The following SRBD1 variants were observed in gnomAD, a reference collection of about 807,000 sequenced individuals.
SRBD1 encodes the protein S1 RNA-binding domain-containing protein 1.
Under a neutral mutation model 115.3 loss-of-function variants are expected in SRBD1, and 88 were observed. The ratio of observed to expected loss-of-function variants is 0.76; its 90% CI spans 0.64 to 0.91. The LOEUF is 0.91. Among genes scored for constraint, SRBD1 ranks in the 40% least tolerant of loss-of-function variants. The pLI, the probability that SRBD1 is intolerant of heterozygous loss-of-function variation, is 0.00. For synonymous variants in SRBD1, 509 were observed against 407.7 expected (o/e 1.25, Z -2.99); for missense variants, 1,385 against 1,177.4 (o/e 1.18, Z -2.58).
intron 16 of SRBD1, among the ~76,000 whole-genome samples, chr2:45,467,221 A>G (rs147683505): frequency 1.4e-3 from 213 of 152,330 alleles, no homozygotes; most frequent in African/African-American, 5.1e-3. Context: ...CCCTGGTTGT[A>G]CATTTGAATT....
intron 14 of SRBD1, among the ~76,000 whole-genome samples, chr2:45,512,883 T>C (rs1671010642): frequency 6.6e-6 from 1 of 151,964 alleles, no homozygotes; most frequent in Non-Finnish European, 1.5e-5. Flanking sequence ...CAAATTCTGT[T>C]AGAGAAAAAA....
At chr2:45,586,722 T>C (rs1324361170) in intron 4 of SRBD1, among the ~76,000 whole-genome samples, 1 of 151,496 alleles carries the variant, frequency 6.6e-6, no homozygotes, top group Admixed American at 6.6e-5. Flanking sequence ...TTTTTTTTTT[T>C]TATTAGTGGA....
At chr2:45,593,829 C>A (rs1370031447) in intron 4 of SRBD1, among the ~76,000 whole-genome samples, 1 of 151,986 alleles carries the variant, frequency 6.6e-6, no homozygotes, top group African/African-American at 2.4e-5. Context: ...TTACAGATTG[C>A]AAAAGGAAAA....
chr2:45,411,874 G>A (rs1283674626), intron 19 of SRBD1, among the ~76,000 whole-genome samples: 1 of 152,142 alleles, frequency 6.6e-6, no homozygotes, highest in Non-Finnish European at 1.5e-5. Context: ...TCTTTGGGAG[G>A]CCAAGGTGGG....
At chr2:45,455,541 T>A (rs1026559490) in intron 16 of SRBD1, among the ~76,000 whole-genome samples, 28 of 151,908 alleles carry the variant, frequency 1.8e-4, no homozygotes, top group African/African-American at 6.7e-4. Flanking sequence ...TTTTGTCTGA[T>A]GATGATAAAG....
intron 13 of SRBD1, among the ~76,000 whole-genome samples, chr2:45,547,284 C>A (rs1672150834): frequency 6.6e-6 from 1 of 152,174 alleles, no homozygotes; most frequent in African/African-American, 2.4e-5. Context: ...GAAGAATGAA[C>A]TGCTCACATC....
chr2:45,445,724 C>T (rs767498583), intron 16 of SRBD1, among the ~76,000 whole-genome samples: 6 of 152,034 alleles, frequency 3.9e-5, no homozygotes, highest in Non-Finnish European at 5.9e-5. Context: ...ATAGCTATTA[C>T]TAAGAGTCAT....
At chr2:45,400,579 T>C (rs995814887) in intron 19 of SRBD1, among the ~76,000 whole-genome samples, 9 of 151,988 alleles carry the variant, frequency 5.9e-5, no homozygotes, top group African/African-American at 1.9e-4. Context: ...AAAAAACAAC[T>C]TTTTTTCTTG....
chr2:45,508,897 T>C (rs1449304397), intron 14 of SRBD1, among the ~76,000 whole-genome samples: 1 of 152,098 alleles, frequency 6.6e-6, no homozygotes, highest in African/African-American at 2.4e-5. Context: ...CTTAGACAAT[T>C]TTCCCTATGT....
chr2:45,523,224 A>G (rs1671340293), intron 14 of SRBD1, among the ~76,000 whole-genome samples: 1 of 151,782 alleles, frequency 6.6e-6, no homozygotes, highest in Non-Finnish European at 1.5e-5. Context: ...CCATATTAAA[A>G]AAAGAAGAAA....
chr2:45,556,003 T>C (rs1259412109), intron 10 of SRBD1, among the ~76,000 whole-genome samples: 1 of 152,208 alleles, frequency 6.6e-6, no homozygotes, highest in Non-Finnish European at 1.5e-5. Flanking sequence ...CCTTTACTTA[T>C]CTTAGGCTAG....
intron 12 of SRBD1, 104 bp downstream of exon 12, chr2:45,551,021 A>T: frequency 7.3e-7 from 1 of 1,375,050 alleles, no homozygotes; most frequent in Non-Finnish European, 9.6e-7. Flanking sequence ...ACCACTTTTT[A>T]AGCCTTTAAA....
rs1672156278 is a variant in SRBD1 at position 45,547,476 on chromosome 2, GT to G, written c.1766+45del. ...ATTAGGGGCTTCAAAGGTATCTCTG[GT>G]TGACTGAGCCACTGATATATTCAAA... On this transcript the variant is annotated intron_variant, in intron 13 of 20. Coordinates refer to ENST00000263736, the MANE Select transcript of SRBD1 (RefSeq NM_018079.5). The G allele has an allele frequency of 5.2e-6, 8 of 1,545,788 alleles. No individual in the cohort carries two copies. In the Admixed American group the frequency reaches 1.4e-4, roughly 26 times the overall value.
At chr2:45,493,824 A>C (rs10206903) in intron 14 of SRBD1, among the ~76,000 whole-genome samples, 1 of 151,810 alleles carries the variant, frequency 6.6e-6, no homozygotes, top group Non-Finnish European at 1.5e-5. Flanking sequence ...AAAAAAAAAA[A>C]AATAAAATAA....
intron 15 of SRBD1, among the ~76,000 whole-genome samples, chr2:45,487,975 C>A (rs1215275273): frequency 6.6e-6 from 1 of 152,094 alleles, no homozygotes; most frequent in Non-Finnish European, 1.5e-5. Context: ...ACTGAACTCT[C>A]TAGCATTTAA....
chr2:45,565,963 T>C (rs1433759198), intron 9 of SRBD1, among the ~76,000 whole-genome samples: 4 of 152,210 alleles, frequency 2.6e-5, no homozygotes, highest in African/African-American at 7.2e-5. Context: ...TCTGAAGAGG[T>C]ATTTGTTCAA....
intron 16 of SRBD1, among the ~76,000 whole-genome samples, chr2:45,475,349 T>G (rs1669773603): frequency 6.6e-6 from 1 of 152,212 alleles, no homozygotes; most frequent in South Asian, 2.1e-4. Flanking sequence ...CTATTGCTTC[T>G]CTTCTTCCTA....
intron 18 of SRBD1, among the ~76,000 whole-genome samples, chr2:45,414,738 TATAGTATGTACACACACAC>T (rs1380422915): frequency 8.6e-5 from 11 of 127,504 alleles, no homozygotes; most frequent in African/African-American, 3.8e-4. Flanking sequence ...ACAGTGTGTA[TATAGTATGTACACACACAC>T]AGTGTGTATA....
chr2:45,538,733 C>A (rs1671842457), intron 14 of SRBD1, among the ~76,000 whole-genome samples: 1 of 152,058 alleles, frequency 6.6e-6, no homozygotes, highest in Non-Finnish European at 1.5e-5. Flanking sequence ...CTATCTCATT[C>A]AATCTGACAT....
Sources: gnomAD v4.1 joint callset for allele counts (sites outside exome capture counted in the v4.1 genomes callset) on GRCh38, gnomAD v4.1.1 for gene constraint, MANE v1.5 for transcripts, NCBI Gene and HGNC (gene_info 2026-07-23, HGNC 2026-07-21) for gene names.